GK5: variants seen among roughly 807,000 people sequenced by gnomAD.
The protein encoded by GK5 is glycerol kinase 5.
GK5 carries 39 observed loss-of-function variants against 77.3 expected under a neutral mutation model. The observed-to-expected ratio is 0.50, with a 90% confidence interval of 0.39 to 0.66. GK5 has a LOEUF of 0.66. Ranked by LOEUF, GK5 falls within the 30% of genes least tolerant of loss-of-function variation. The pLI, the probability that GK5 is intolerant of heterozygous loss-of-function variation, is 0.00. For missense variants in GK5, 487 were observed against 633.8 expected (o/e 0.77, Z 2.49); for synonymous variants, 211 against 208.0 (o/e 1.01, Z -0.13).
intron 1 of GK5, among the ~76,000 whole-genome samples, chr3:142,219,607 C>G (rs1377514664): frequency 6.6e-6 from 1 of 152,130 alleles, no homozygotes; most frequent in Non-Finnish European, 1.5e-5. Flanking sequence ...CACAAGGGAG[C>G]TTGGGGATTA....
chr3:142,182,737 C>A (rs1165428597), intron 10 of GK5, among the ~76,000 whole-genome samples, 186 bp downstream of exon 10: 1 of 152,002 alleles, frequency 6.6e-6, no homozygotes, highest in African/African-American at 2.4e-5. Flanking sequence ...TCAACAATAT[C>A]ATTCTTGTTT....
rs768107895 is a variant in GK5, at chr3:142,213,519, T to C, written c.317+7A>G. 14 of 1,558,612 alleles carry C rather than the reference T, an allele frequency of 9.0e-6. No individual in the cohort carries two copies. The South Asian group carries it at 1.6e-4, about 17-fold the overall frequency. Reference sequence around the variant, plus strand: ...GCAGTAGGGTGCTTATCACAGAATGTACTTACTTGTTCCACGTAATAAAAG... The same window carrying C: ...GCAGTAGGGTGCTTATCACAGAATGCACTTACTTGTTCCACGTAATAAAAG... On this transcript the variant is annotated splice_region_variant and intron_variant, in intron 3 of 15. Coordinates refer to ENST00000392993, the MANE Select transcript of GK5 (RefSeq NM_001039547.3).
intron 11 of GK5, among the ~76,000 whole-genome samples, chr3:142,179,471 C>G (rs1383989099): frequency 6.6e-6 from 1 of 152,104 alleles, no homozygotes; most frequent in Non-Finnish European, 1.5e-5. Flanking sequence ...CACTTGAACC[C>G]AGGAGTTTGA....
chr3:142,206,027 T>C (rs529877262), intron 3 of GK5, among the ~76,000 whole-genome samples: 206 of 152,360 alleles, frequency 1.4e-3, no homozygotes, highest in Middle Eastern at 6.8e-3. Flanking sequence ...TATATTTGGC[T>C]TACTTCACGT....
chr3:142,187,019 T>A (rs1226134874), intron 6 of GK5, among the ~76,000 whole-genome samples: 3 of 152,196 alleles, frequency 2.0e-5, no homozygotes, highest in Non-Finnish European at 4.4e-5. Flanking sequence ...AGTACTTACA[T>A]ACATGTTGTC....
chr3:142,179,003 C>T (rs1318043449), intron 11 of GK5, among the ~76,000 whole-genome samples: 1 of 152,164 alleles, frequency 6.6e-6, no homozygotes, highest in Non-Finnish European at 1.5e-5. Context: ...GATTTCCCTG[C>T]TGACTAATAA....
At chr3:142,182,017 GA>G (rs1409630325) in intron 10 of GK5, among the ~76,000 whole-genome samples, 1 of 152,188 alleles carries the variant, frequency 6.6e-6, no homozygotes, top group Non-Finnish European at 1.5e-5. Flanking sequence ...CTCCTAAATA[GA>G]AACAATCTAA....
chr3:142,220,365 A>C (rs909589864), intron 1 of GK5, among the ~76,000 whole-genome samples: 2 of 151,980 alleles, frequency 1.3e-5, no homozygotes, highest in Non-Finnish European at 2.9e-5. Context: ...TTGATCTCTT[A>C]ACCTCGTGAT....
chr3:142,220,713 T>C (rs973682236), intron 1 of GK5, among the ~76,000 whole-genome samples: 14 of 152,224 alleles, frequency 9.2e-5, no homozygotes, highest in African/African-American at 2.9e-4. Context: ...CTATGGTTTC[T>C]TAGATATTCC....
chr3:142,190,637 T>C (rs2063835324), intron 5 of GK5, among the ~76,000 whole-genome samples: 4 of 152,148 alleles, frequency 2.6e-5, no homozygotes, highest in African/African-American at 9.7e-5. Context: ...ATAAATTCAA[T>C]AACCATTCAT....
intron 4 of GK5, among the ~76,000 whole-genome samples, chr3:142,203,524 C>T (rs187575196): frequency 2.7e-4 from 41 of 152,276 alleles, no homozygotes; most frequent in Admixed American, 4.6e-4. Context: ...CCTGTAATCC[C>T]CGCACTTTGG....
intron 2 of GK5, among the ~76,000 whole-genome samples, chr3:142,215,137 T>G (rs2064255280): frequency 6.6e-6 from 1 of 152,218 alleles, no homozygotes. Flanking sequence ...CTAACATTCT[T>G]AAAGAACTAA....
At chr3:142,209,012 G>A (rs567344014) in intron 3 of GK5, among the ~76,000 whole-genome samples, 5 of 152,220 alleles carry the variant, frequency 3.3e-5, no homozygotes, top group Middle Eastern at 3.4e-3. Context: ...AGCCGAGCGC[G>A]GTGGCGGGCA....
rs925915354 is a variant in GK5 at position 142,182,948 on chromosome 3, T to G, written c.918A>C (p.Gly306=). Residue 306 remains glycine (G), a synonymous_variant, in exon 10 of 16, where the codon GGA becomes GGC. Coordinates refer to ENST00000392993, the MANE Select transcript of GK5 (RefSeq NM_001039547.3). ...CTCCAGTAGTCTGTTGAAGGCTATT[T>G]CCAGTGTTAATATCCAAAAATGTCC... ...GTGTFLDINT[G]NSLQQTTGGF... is the part of the protein sequence containing the mutation. 1.2e-6 allele frequency: 2 copies of G among 1,610,958 alleles called. No homozygotes were observed. Among genetic ancestry groups the G allele is most frequent in the African/African-American group, 2.7e-5 (2 of 74,840 alleles).
At chr3:142,214,066 C>T (rs1334568943) in intron 2 of GK5, among the ~76,000 whole-genome samples, 4 of 152,164 alleles carry the variant, frequency 2.6e-5, no homozygotes, top group African/African-American at 9.7e-5. Context: ...TCGGGTGATC[C>T]GCCCACCTTG....
At chr3:142,187,262 T>C (rs923148754) in intron 6 of GK5, among the ~76,000 whole-genome samples, 1 of 151,138 alleles carries the variant, frequency 6.6e-6, no homozygotes, top group Admixed American at 6.6e-5. Context: ...ATGTTGTTAA[T>C]AGGGTACCAA....
At chr3:142,204,603 C>T (rs759107703) in intron 4 of GK5, 92 bp downstream of exon 4, 2 of 824,952 alleles carry the variant, frequency 2.4e-6, no homozygotes, top group Non-Finnish European at 4.3e-6. Context: ...TCTTAATGTC[C>T]TAAAACAAAA....
intron 13 of GK5, among the ~76,000 whole-genome samples, 191 bp from the exon 14 acceptor site, chr3:142,171,669 C>A (rs566964268): frequency 6.6e-6 from 1 of 151,988 alleles, no homozygotes; most frequent in Non-Finnish European, 1.5e-5. Flanking sequence ...AAGCAAGAAG[C>A]GCAGGTCCTT....
chr3:142,174,665 A>G lies in GK5; in HGVS notation c.1144-2209T>C, dbSNP rs137895819. On this transcript the variant is annotated intron_variant, in intron 12 of 15. Transcript: ENST00000392993. ...GGACTTGCTGGCTTCATCCCCTTCTAAGGAAACTGCTTGAATCCACAGGCC... is the reference window on the plus strand; with the variant it reads ...GGACTTGCTGGCTTCATCCCCTTCTGAGGAAACTGCTTGAATCCACAGGCC... 3.7e-3 allele frequency among the ~76,000 whole-genome samples: 571 copies of G among 152,276 alleles called. 2 individuals are homozygous for G. The highest frequency in any genetic ancestry group is 0.013 in the African/African-American group (527 of 41,550).
Sources: allele counts gnomAD v4.1 joint callset (sites outside exome capture counted in the v4.1 genomes callset), GRCh38; gene constraint gnomAD v4.1.1; transcripts MANE v1.5; gene names NCBI Gene and HGNC (gene_info 2026-07-23, HGNC 2026-07-21).